ANO1: variants seen among roughly 807,000 people sequenced by gnomAD.
ANO1 encodes the protein anoctamin-1.
ANO1 carries 59 observed loss-of-function variants against 124.0 expected under a neutral mutation model. That is an observed-to-expected ratio of 0.48 (90% CI 0.39 to 0.59). ANO1 has a LOEUF of 0.59. ANO1 is among the 20% of genes least tolerant of loss of function. The pLI is 0.00. For missense variants in ANO1, 1,059 were observed against 1,328.0 expected (o/e 0.80, Z 3.15); for synonymous variants, 529 against 532.0 (o/e 0.99, Z 0.08).
intron 22 of ANO1, among the ~76,000 whole-genome samples, chr11:70,177,685 C>T (rs1055445279): frequency 1.3e-5 from 2 of 150,400 alleles, no homozygotes; most frequent in South Asian, 2.1e-4. Context: ...CTGCAACCTC[C>T]GCCCCCCGGG....
intron 1 of ANO1, among the ~76,000 whole-genome samples, chr11:70,052,170 A>G (rs2135084524): frequency 1.3e-5 from 2 of 152,328 alleles, no homozygotes. Flanking sequence ...CACACTATTT[A>G]TTGAAAACAC....
intron 1 of ANO1, among the ~76,000 whole-genome samples, chr11:69,998,007 T>G (rs10793082): frequency 2.0e-5 from 3 of 151,958 alleles, no homozygotes; most frequent in Non-Finnish European, 2.9e-5. Flanking sequence ...GCCTAATACA[T>G]CCTTCCCAGA....
intron 1 of ANO1, among the ~76,000 whole-genome samples, chr11:70,017,172 G>T (rs1856717108): frequency 6.6e-6 from 1 of 152,168 alleles, no homozygotes; most frequent in South Asian, 2.1e-4. Flanking sequence ...ATCCGGAGGA[G>T]GATGAGGCTT....
At chr11:70,111,065 C>G (rs1364528335) in intron 6 of ANO1, 5 of 446,056 alleles carry the variant, frequency 1.1e-5, no homozygotes, top group Non-Finnish European at 1.8e-5. Context: ...GCTTGCTGCC[C>G]CAAATGTAGC....
intron 1 of ANO1, among the ~76,000 whole-genome samples, chr11:69,997,609 G>A (rs1275142023): frequency 3.3e-5 from 5 of 152,156 alleles, no homozygotes; most frequent in Non-Finnish European, 5.9e-5. Flanking sequence ...GCTGTGTCCC[G>A]CCCAAATCTC....
intron 1 of ANO1, among the ~76,000 whole-genome samples, chr11:70,067,663 C>T (rs1411568011): frequency 2.6e-5 from 4 of 152,168 alleles, no homozygotes; most frequent in African/African-American, 4.8e-5. Flanking sequence ...TCCCCAGTGC[C>T]CGGCAACCTT....
At position 70,105,785 on chromosome 11, in the gene ANO1, G is replaced by C; in HGVS notation, c.744G>C (p.Thr248=). Residue 248 remains threonine, a synonymous_variant, in exon 5 of 26, where the codon ACG becomes ACC. Coordinates refer to ENST00000355303, the MANE Select transcript of ANO1 (RefSeq NM_018043.7). ...TTTTCGACAGCAAAACCCGGAGCAC[G>C]ATTGTAAGTATCGCACGCGCCTGGA... The part of the protein sequence containing the change: ...DSFFDSKTRS[T]IVYEILKRTT... The C allele has an allele frequency of 6.2e-7, 1 of 1,613,508 alleles. No individual in the cohort carries two copies. The highest frequency in any genetic ancestry group is 2.2e-5 in the East Asian group (1 of 44,858).
chr11:70,115,487 C>G (rs772045062), intron 7 of ANO1, among the ~76,000 whole-genome samples: 1 of 152,094 alleles, frequency 6.6e-6, no homozygotes, highest in Non-Finnish European at 1.5e-5. Context: ...GTGGTGGGCA[C>G]CCGTAGTCCC....
intron 1 of ANO1, among the ~76,000 whole-genome samples, chr11:69,987,783 GC>G (rs1297443001): frequency 6.6e-6 from 1 of 152,170 alleles, no homozygotes; most frequent in Admixed American, 6.5e-5. Context: ...GGAGGCCTGT[GC>G]TTTGGTCTTT....
rs1052409332 is a variant in ANO1, at chr11:70,092,530, G to A, written c.441+4446G>A. Among the ~76,000 whole-genome samples the A allele has an allele frequency of 3.2e-4, 48 of 152,332 alleles. No individual in the cohort carries two copies. The East Asian group carries it at 8.3e-3, about 26-fold the overall frequency. ...CTGGTCTGCCTTGCTGCAGGACCCA[G>A]GATGCACACAGGAACTCCTGGGGGT... On this transcript the variant is annotated intron_variant, in intron 2 of 25. Coordinates refer to ENST00000355303, the MANE Select transcript of ANO1 (RefSeq NM_018043.7).
At chr11:70,115,118 C>A (rs2045925983) in intron 7 of ANO1, among the ~76,000 whole-genome samples, 1 of 152,006 alleles carries the variant, frequency 6.6e-6, no homozygotes, top group Non-Finnish European at 1.5e-5. Context: ...CCCCTGAAGA[C>A]TTAGGAGGAA....
At chr11:70,059,873 G>C (rs1451042457) in intron 1 of ANO1, among the ~76,000 whole-genome samples, 2 of 152,048 alleles carry the variant, frequency 1.3e-5, no homozygotes, top group Admixed American at 6.5e-5. Flanking sequence ...AGAGTAGGTG[G>C]GACTGATAAA....
At chr11:70,020,261 A>G (rs1452268492) in intron 1 of ANO1, among the ~76,000 whole-genome samples, 1 of 152,150 alleles carries the variant, frequency 6.6e-6, no homozygotes, top group African/African-American at 2.4e-5. Flanking sequence ...TTCCTGCCCA[A>G]CAGCCCACTT....
chr11:70,101,515 C>T (rs1417914943), intron 2 of ANO1, among the ~76,000 whole-genome samples: 1 of 143,706 alleles, frequency 7.0e-6, no homozygotes, highest in Non-Finnish European at 1.5e-5. Context: ...GAGAACACGC[C>T]ACTGCATTCC....
At chr11:69,975,567 G>A in the ANO1 span, among the ~76,000 whole-genome samples, 2 of 152,232 alleles carry the variant, frequency 1.3e-5, no homozygotes, top group South Asian at 4.1e-4. Flanking sequence ...TTCTAGCACA[G>A]AAGCTTGTGG....
rs565063138 is a variant in ANO1, at chr11:70,137,654, G to A, written c.1258+5575G>A. On this transcript the variant is annotated intron_variant, in intron 11 of 25. Transcript: ENST00000355303. ...GGATTACTCAGGCTGACTTGGCTGC[G>A]TAGTAGGACGGTTAGATACAGTCAA... 2.1e-5 allele frequency among the ~76,000 whole-genome samples: 3 copies of A among 146,002 alleles called. 1 individual carries two copies. The highest frequency in any genetic ancestry group is 2.0e-4 in the East Asian group (1 of 4,880).
intron 1 of ANO1, among the ~76,000 whole-genome samples, chr11:69,995,510 A>G (rs1243272701): frequency 6.6e-6 from 1 of 152,020 alleles, no homozygotes; most frequent in Admixed American, 6.6e-5. Context: ...TTTAGTCCTC[A>G]TGACTCTTTA....
chr11:69,971,648 C>T, the ANO1 span, among the ~76,000 whole-genome samples: 1 of 152,152 alleles, frequency 6.6e-6, no homozygotes, highest in African/African-American at 2.4e-5. Flanking sequence ...CCCTGTCTTC[C>T]TTCCCAGACC....
At chr11:70,090,443 A>G (rs915948237) in intron 2 of ANO1, among the ~76,000 whole-genome samples, 10 of 152,184 alleles carry the variant, frequency 6.6e-5, no homozygotes, top group Non-Finnish European at 1.2e-4. Context: ...ACTTATCCTG[A>G]TGGAAAAGCT....
Sources: gnomAD v4.1 joint callset for allele counts (sites outside exome capture counted in the v4.1 genomes callset) on GRCh38, gnomAD v4.1.1 for gene constraint, MANE v1.5 for transcripts, NCBI Gene and HGNC (gene_info 2026-07-23, HGNC 2026-07-21) for gene names.